Variants in EIF4E1B observed in about 807,000 individuals in gnomAD.
EIF4E1B encodes eukaryotic translation initiation factor 4E type 1B.
EIF4E1B carries 22 observed loss-of-function variants against 31.3 expected under a neutral mutation model. The observed-to-expected ratio is 0.70, with a 90% CI of 0.50 to 1.00. The LOEUF is 1.00. Among genes scored for constraint, EIF4E1B ranks in the 50% least tolerant of loss-of-function variants. The probability of loss-of-function intolerance (pLI) is 0.00; values close to 1 mark genes in which losing one functional copy is unlikely to be tolerated. For missense variants in EIF4E1B, 290 were observed against 311.6 expected, an observed-to-expected ratio of 0.93 and a Z score of 0.52; for synonymous variants, 126 against 120.2, an observed-to-expected ratio of 1.05 and a Z score of -0.31.
In EIF4E1B at chr5:176,646,166, G is replaced by A; in HGVS notation, c.*186G>A. 1 of 572,840 alleles carries A rather than the reference G, an allele frequency of 1.7e-6. No homozygotes were observed. Among genetic ancestry groups the A allele is most frequent in the Non-Finnish European group, 3.1e-6 (1 of 317,874 alleles). 35.5% of individuals were successfully genotyped at this position (572,840 alleles called of 1,614,324 possible). On this transcript the variant is annotated 3_prime_UTR_variant, in exon 9 of 9. Coordinates refer to ENST00000318682, the MANE Select transcript of EIF4E1B (RefSeq NM_001099408.2). ...TAGGGGCTAGATGGGGGTAGTGGTG[G>A]CAGTCTGAGGACCTAGCTTGTCCTG...
chr5:176,641,520 C>T (rs1229988146), intron 1 of EIF4E1B, among the ~76,000 whole-genome samples: 1 of 152,150 alleles, frequency 6.6e-6, no homozygotes, highest in Non-Finnish European at 1.5e-5. Context: ...GTTCTCCCAT[C>T]CCCGAATCCC....
chr5:176,642,865 C>CCCCGCCCCCCG (rs56115420), intron 3 of EIF4E1B, 63 bp downstream of exon 3: 4 of 1,173,014 alleles, frequency 3.4e-6, no homozygotes, highest in African/African-American at 2.3e-5. Context: ...CCCCCCCCCC[C>CCCCGCCCCCCG]GCCCCAGGTG....
intron 1 of EIF4E1B, among the ~76,000 whole-genome samples, chr5:176,641,498 T>C (rs2113444390): frequency 6.6e-6 from 1 of 152,308 alleles, no homozygotes; most frequent in African/African-American, 2.4e-5. Context: ...GCTTGGATCG[T>C]GGACTTTTTA....
chr5:176,641,453 T>A (rs1365841588), intron 1 of EIF4E1B, among the ~76,000 whole-genome samples: 1 of 152,230 alleles, frequency 6.6e-6, no homozygotes, highest in African/African-American at 2.4e-5. Flanking sequence ...GTGATTCTGA[T>A]ACACGCACCT....
At chr5:176,642,613 G>A (rs1199623624) in intron 2 of EIF4E1B, 97 bp from the exon 3 acceptor site, 3 of 1,038,730 alleles carry the variant, frequency 2.9e-6, no homozygotes, top group African/African-American at 1.6e-5. Context: ...TCTGCCATCG[G>A]CAGGGCCGTC....
At position 176,642,360 on chromosome 5, in the gene EIF4E1B, TG is replaced by T. The variant is rs527918801; in HGVS notation, c.-79+198del. 2.3e-3 allele frequency among the ~76,000 whole-genome samples: 352 copies of T among 152,370 alleles called. 1 individual carries two copies. Among genetic ancestry groups the T allele is most frequent in the South Asian group, 7.7e-3 (37 of 4,830 alleles). ...AACTTTTAAAAAACTCAGATGCCAC[TG>T]GGTATGGTGGCTCATGCCAGTAATC... On this transcript the variant is annotated intron_variant, in intron 2 of 8. Coordinates refer to ENST00000318682, the MANE Select transcript of EIF4E1B (RefSeq NM_001099408.2).
chr5:176,639,979 G>A (rs527254732), intron 1 of EIF4E1B, among the ~76,000 whole-genome samples: 1 of 152,144 alleles, frequency 6.6e-6, no homozygotes, highest in Non-Finnish European at 1.5e-5. Context: ...TCCTCTTCCA[G>A]TGCTCCCTCT....
At chr5:176,632,063 A>T (rs564276347) in intron 1 of EIF4E1B, among the ~76,000 whole-genome samples, 1 of 152,278 alleles carries the variant, frequency 6.6e-6, no homozygotes, top group Non-Finnish European at 1.5e-5. Context: ...CAAGGTGCCA[A>T]ACTGGAATGT....
chr5:176,644,481 G>C (rs747006391), intron 6 of EIF4E1B, 42 bp downstream of exon 6: 25 of 1,564,142 alleles, frequency 1.6e-5, no homozygotes, highest in Non-Finnish European at 2.1e-5. Flanking sequence ...AAGGGACAAG[G>C]GGTTGATCCC....
In EIF4E1B at chr5:176,643,658, A is replaced by G. The variant is rs1397748831; in HGVS notation, c.220A>G (p.Lys74Glu). 1 of 1,610,516 alleles carries G rather than the reference A, an allele frequency of 6.2e-7. No individual in the cohort carries two copies. The highest frequency in any genetic ancestry group is 8.5e-7 in the Non-Finnish European group (1 of 1,178,384). ...TACCAGGTGGGCTCTGTGGTTCTTC[A>G]AGAATGACCGCAGCCGGGCCTGGCA... ...LQNRWALWFF[K>E]NDRSRAWQDN... Residue 74 changes from lysine to glutamate, a missense_variant, in exon 5 of 9, where the codon AAG (lysine) becomes GAG (glutamate). Physicochemically the swap from Lys to Glu is moderately conservative, Grantham distance 56. Transcript: ENST00000318682.
intron 1 of EIF4E1B, among the ~76,000 whole-genome samples, chr5:176,632,266 G>GT (rs895372110): frequency 2.0e-5 from 3 of 151,868 alleles, no homozygotes; most frequent in East Asian, 1.9e-4. Flanking sequence ...TTTCTTTCTT[G>GT]TTTTTTTGAG....
chr5:176,636,880 A>G (rs1480130824), intron 1 of EIF4E1B, among the ~76,000 whole-genome samples: 1 of 152,250 alleles, frequency 6.6e-6, no homozygotes, highest in African/African-American at 2.4e-5. Flanking sequence ...GGGTGCCGAT[A>G]TCATTCCAGG....
intron 1 of EIF4E1B, among the ~76,000 whole-genome samples, chr5:176,632,435 T>C (rs1272446246): frequency 6.6e-6 from 1 of 152,186 alleles, no homozygotes; most frequent in Non-Finnish European, 1.5e-5. Context: ...TTTGTATTTT[T>C]AGTAGAGACA....
At chr5:176,632,141 T>TTA (rs1454155460) in intron 1 of EIF4E1B, among the ~76,000 whole-genome samples, 1 of 152,252 alleles carries the variant, frequency 6.6e-6, no homozygotes, top group Non-Finnish European at 1.5e-5. Context: ...ATTTTCTATG[T>TTA]GTCAAATATA....
chr5:176,638,937 A>T lies in EIF4E1B; in HGVS notation c.-201-3106A>T, dbSNP rs1048858919. ...TTACAGGTGCCTGCCACCATGCCCA[A>T]CTAGTTTTGTTGCTGTTGTTGTTTG... On this transcript the variant is annotated intron_variant, in intron 1 of 8. Transcript: ENST00000318682. The surrounding 1 kb of genome is among the most constrained non-coding windows in gnomAD (Gnocchi z 4.3). 6.6e-6 allele frequency among the ~76,000 whole-genome samples: 1 copy of T among 151,998 alleles called. No individual in the cohort carries two copies. The highest frequency in any genetic ancestry group is 1.5e-5 in the Non-Finnish European group (1 of 67,986).
At chr5:176,643,899 C>T (rs1760643932) in intron 5 of EIF4E1B, 165 bp downstream of exon 5, 2 of 677,394 alleles carry the variant, frequency 3.0e-6, no homozygotes, top group East Asian at 2.8e-5. Flanking sequence ...CCCACCCCAC[C>T]ACCTTCTTTG....
chr5:176,644,167 G>T (rs1345021545), intron 5 of EIF4E1B: 5 of 601,146 alleles, frequency 8.3e-6, no homozygotes, highest in African/African-American at 7.5e-5. Flanking sequence ...CCTCCCCAGG[G>T]GTTGGCTCAG....
At position 176,646,117 on chromosome 5, in the gene EIF4E1B, T is replaced by A; in HGVS notation, c.*137T>A. On this transcript the variant is annotated 3_prime_UTR_variant, in exon 9 of 9. Coordinates refer to ENST00000318682, the MANE Select transcript of EIF4E1B (RefSeq NM_001099408.2). ...AGTGAACAGGAATGCAAACACTCTTTAACATGAGTTGGGGCCTGAGCCTTA... is the reference window on the plus strand; with the variant it reads ...AGTGAACAGGAATGCAAACACTCTTAAACATGAGTTGGGGCCTGAGCCTTA... The A allele has an allele frequency of 1.4e-6, 1 of 734,108 alleles. No homozygotes were observed. The highest frequency in any genetic ancestry group is 2.3e-6 in the Non-Finnish European group (1 of 440,156). The allele number at this position is 734,108 out of a possible 1,614,324, so 45.5% of individuals were successfully genotyped here.
At position 176,643,153 on chromosome 5, in the gene EIF4E1B, G is replaced by A. The variant is rs143370383; in HGVS notation, c.87G>A (p.Thr29=). The A allele has an allele frequency of 1.9e-3, 3,033 of 1,613,836 alleles. 5 individuals are homozygous for A. The highest frequency in any genetic ancestry group is 2.3e-3 in the Non-Finnish European group (2,681 of 1,179,854). The change falls in exon 4 of 9, where the codon ACG becomes ACA. Residue 29 remains threonine, a synonymous_variant. Transcript: ENST00000318682. ...EEKEEEAAER[T]PTGEKSPNSP... is the part of the protein sequence containing the mutation. ...AGGAGGAGGAGGCAGCAGAGAGGAC[G>A]CCCACAGGAGAAAAGTCTCCAAACT...
Sources: allele counts gnomAD v4.1 joint callset (sites outside exome capture counted in the v4.1 genomes callset), GRCh38; gene constraint gnomAD v4.1.1; non-coding constraint Gnocchi (gnomAD v3.1); transcripts MANE v1.5; gene names NCBI Gene and HGNC (gene_info 2026-07-23, HGNC 2026-07-21).